PCDH15: variants seen among roughly 807,000 people sequenced by gnomAD.
PCDH15 encodes protocadherin related 15, also known as protocadherin-15.
A neutral mutation model predicts 178.5 loss-of-function variants in PCDH15; 129 were observed. That is an observed-to-expected ratio of 0.72 (90% confidence interval 0.63 to 0.84). The LOEUF is 0.84. Among genes scored for constraint, PCDH15 ranks in the 40% least tolerant of loss-of-function variants. The probability of loss-of-function intolerance (pLI) is 0.00; values close to 1 mark genes in which losing one functional copy is unlikely to be tolerated. For synonymous variants in PCDH15, 800 were observed against 732.0 expected (o/e 1.09, Z -1.50); for missense variants, 2,230 against 2,099.9 (o/e 1.06, Z -1.21).
chr10:54,127,720 C>G (rs1376263374), intron 15 of PCDH15, among the ~76,000 whole-genome samples: 2 of 152,024 alleles, frequency 1.3e-5, no homozygotes, highest in African/African-American at 4.8e-5. Context: ...TTATATTATA[C>G]TCAGTTTGAA....
At chr10:54,903,542 A>C (rs540497750) in intron 2 of PCDH15, among the ~76,000 whole-genome samples, 4 of 152,016 alleles carry the variant, frequency 2.6e-5, no homozygotes, top group South Asian at 4.2e-4. Context: ...TAAAATAGAA[A>C]TAAGAAACTA....
intron 1 of PCDH15, among the ~76,000 whole-genome samples, chr10:54,719,248 A>G (rs1448539742): frequency 1.3e-5 from 2 of 152,156 alleles, no homozygotes; most frequent in African/African-American, 4.8e-5. Context: ...AGTAGGCTAT[A>G]CCAACTGGAA....
At chr10:53,863,086 T>C (rs1417364648) in intron 27 of PCDH15, among the ~76,000 whole-genome samples, 1 of 152,194 alleles carries the variant, frequency 6.6e-6, no homozygotes, top group Non-Finnish European at 1.5e-5. Flanking sequence ...CTTTTAAAAA[T>C]ATTCGGGTGG....
chr10:53,822,176 G>T lies in PCDH15; in HGVS notation c.4368-1946C>A, dbSNP rs112097891. 8.5e-4 allele frequency: 1,366 copies of T among 1,613,946 alleles called. 17 individuals carry two copies. The African/African-American group carries it at 0.016, about 18-fold the overall frequency. ...TAATTTTCTCGGCAGGCATCAAGTT[G>T]GTCGTGCATTTAACACCTGTTATAC... On this transcript the variant is annotated intron_variant, in intron 32 of 37. Transcript: ENST00000644397.
intron 2 of PCDH15, among the ~76,000 whole-genome samples, chr10:55,334,764 T>C (rs1459251052): frequency 6.6e-6 from 1 of 152,202 alleles, no homozygotes; most frequent in Non-Finnish European, 1.5e-5. Context: ...AGATTGTTAT[T>C]TGGTAATAAC....
At chr10:55,297,492 G>A (rs1843163007) in intron 1 of PCDH15, among the ~76,000 whole-genome samples, 1 of 151,986 alleles carries the variant, frequency 6.6e-6, no homozygotes, top group South Asian at 2.1e-4. Context: ...AAACTGCAGA[G>A]GTAGGAAATA....
At position 53,838,197 on chromosome 10, in the gene PCDH15, G is replaced by C. The variant is rs552296051; in HGVS notation, c.3983+2123C>G. Reference sequence around the variant, plus strand: ...TCACCGTGTTAGCCAGGATGGTCTCGATCTCCTGACCTCGTGATCCACCCA... The same window carrying C: ...TCACCGTGTTAGCCAGGATGGTCTCCATCTCCTGACCTCGTGATCCACCCA... On this transcript the variant is annotated intron_variant, in intron 29 of 37. Coordinates refer to ENST00000644397, the MANE Select transcript of PCDH15 (RefSeq NM_001384140.1). 7.1e-3 allele frequency among the ~76,000 whole-genome samples: 1,075 copies of C among 151,852 alleles called. 11 individuals are homozygous for C. Among genetic ancestry groups the C allele is most frequent in the African/African-American group, 0.024 (1,011 of 41,440 alleles).
At chr10:53,957,174 T>C (rs1440050458) in intron 23 of PCDH15, among the ~76,000 whole-genome samples, 1 of 152,194 alleles carries the variant, frequency 6.6e-6, no homozygotes, top group African/African-American at 2.4e-5. Context: ...CTTTCTTCTC[T>C]TGGAGTTTCC....
intron 3 of PCDH15, among the ~76,000 whole-genome samples, chr10:54,489,627 GA>G (rs1286997050): frequency 1.3e-5 from 2 of 152,128 alleles, no homozygotes; most frequent in Admixed American, 6.6e-5. Flanking sequence ...ATACATTAGA[GA>G]GAAGAGAGAG....
intron 21 of PCDH15, among the ~76,000 whole-genome samples, chr10:53,990,917 C>T (rs866874982): frequency 5.9e-5 from 9 of 152,018 alleles, no homozygotes; most frequent in Middle Eastern, 3.2e-3. Flanking sequence ...GGCCGTCTGG[C>T]GCCACCGGCC....
intron 15 of PCDH15, among the ~76,000 whole-genome samples, chr10:54,104,653 C>G (rs1280212270): frequency 7.2e-6 from 1 of 138,200 alleles, no homozygotes; most frequent in African/African-American, 2.6e-5. Context: ...CTGGTTGATA[C>G]AGTGAAACCC....
chr10:54,344,779 T>G (rs1942915090), intron 6 of PCDH15, among the ~76,000 whole-genome samples: 1 of 151,654 alleles, frequency 6.6e-6, no homozygotes, highest in African/African-American at 2.4e-5. Context: ...GTTTCTTTGC[T>G]ACTTCCCACT....
chr10:54,688,085 T>C (rs1188413560), intron 1 of PCDH15, among the ~76,000 whole-genome samples: 3 of 152,104 alleles, frequency 2.0e-5, no homozygotes, highest in Non-Finnish European at 2.9e-5. Context: ...TTCACTAGCA[T>C]TAAAAATTAT....
chr10:54,503,264 T>TGTGTGTGTGTGTGTGTGAGA (rs35648214), intron 3 of PCDH15, among the ~76,000 whole-genome samples: 8 of 137,374 alleles, frequency 5.8e-5, no homozygotes, highest in South Asian at 2.3e-4. Flanking sequence ...TGTGTGTGTG[T>TGTGTGTGTGTGTGTGTGAGA]GATTATATAT....
intron 9 of PCDH15, among the ~76,000 whole-genome samples, chr10:54,229,204 A>G (rs971032830): frequency 1.3e-5 from 2 of 152,190 alleles, no homozygotes; most frequent in Non-Finnish European, 2.9e-5. Context: ...AAAACCGTGG[A>G]GATCCAGGCA....
chr10:55,053,135 A>C (rs1201711687), intron 2 of PCDH15, among the ~76,000 whole-genome samples: 1 of 152,182 alleles, frequency 6.6e-6, no homozygotes, highest in Non-Finnish European at 1.5e-5. Context: ...CAAACCTTCC[A>C]AAGTCTATAA....
At chr10:54,254,167 T>C (rs1025421225) in intron 8 of PCDH15, among the ~76,000 whole-genome samples, 1 of 152,122 alleles carries the variant, frequency 6.6e-6, no homozygotes, top group African/African-American at 2.4e-5. Context: ...TAAAGAATAA[T>C]AACATCCTCT....
intron 18 of PCDH15, among the ~76,000 whole-genome samples, chr10:54,058,659 C>T (rs955805971): frequency 2.6e-5 from 4 of 151,380 alleles, no homozygotes; most frequent in African/African-American, 7.3e-5. Flanking sequence ...ACCATATCTG[C>T]TATCTAACAT....
chr10:55,277,028 T>C (rs1257092778), intron 1 of PCDH15, among the ~76,000 whole-genome samples: 1 of 152,054 alleles, frequency 6.6e-6, no homozygotes, highest in African/African-American at 2.4e-5. Flanking sequence ...ATCTACAGAT[T>C]TCTTAATGTT....
Sources: gnomAD v4.1 joint callset for allele counts (sites outside exome capture counted in the v4.1 genomes callset) on GRCh38, gnomAD v4.1.1 for gene constraint, MANE v1.5 for transcripts, NCBI Gene and HGNC (gene_info 2026-07-23, HGNC 2026-07-21) for gene names.